PLEKHA2: variants seen among roughly 807,000 people sequenced by gnomAD.
The protein encoded by PLEKHA2 is pleckstrin homology domain containing A2, also known as pleckstrin homology domain-containing family A member 2.
A neutral mutation model predicts 53.2 loss-of-function variants in PLEKHA2; 28 were observed. That is an observed-to-expected ratio of 0.53 (90% confidence interval 0.39 to 0.72). PLEKHA2 has a LOEUF of 0.72. Among genes scored for constraint, PLEKHA2 ranks in the 30% least tolerant of loss-of-function variants. PLEKHA2 has a pLI of 0.00. For synonymous variants in PLEKHA2, 193 were observed against 196.4 expected (o/e 0.98, Z 0.14); for missense variants, 426 against 537.9 (o/e 0.79, Z 2.06).
intron 2 of PLEKHA2, among the ~76,000 whole-genome samples, chr8:38,920,356 G>A (rs969951443): frequency 6.6e-6 from 1 of 151,964 alleles, no homozygotes; most frequent in Non-Finnish European, 1.5e-5. Context: ...GGGTTTCACT[G>A]TGTTAGCCAG....
Position 38,971,874 on chromosome 8 carries a change from G to A in PLEKHA2, c.*2091G>A, listed in dbSNP as rs1309786940. 4 of 152,216 alleles carry A rather than the reference G, an allele frequency of 2.6e-5. No individual in the cohort carries two copies. Among genetic ancestry groups the A allele is most frequent in the African/African-American group, 7.2e-5 (3 of 41,448 alleles). The allele number at this position is 152,216 out of a possible 1,614,324, so 9.4% of individuals were successfully genotyped here. ...CGGCAGGAGAATGGTGTGAACCTGG[G>A]AGGCGGAGCTTGCAGTGAGCCAAGA... On this transcript the variant is annotated 3_prime_UTR_variant, in exon 12 of 12. Transcript: ENST00000617275.
chr8:38,905,058 T>TC (rs1394519666), intron 1 of PLEKHA2, among the ~76,000 whole-genome samples: 1 of 151,864 alleles, frequency 6.6e-6, no homozygotes, highest in Non-Finnish European at 1.5e-5. Context: ...TCTGTCTGGC[T>TC]CAAGACTCAT....
intron 1 of PLEKHA2, chr8:38,902,055 T>A (rs1833794484): frequency 6.6e-6 from 1 of 152,296 alleles, no homozygotes; most frequent in Non-Finnish European, 1.5e-5. Flanking sequence ...TGAAAAGGAC[T>A]GCCCTAAAAT....
intron 3 of PLEKHA2, among the ~76,000 whole-genome samples, chr8:38,938,657 C>T (rs1834541730): frequency 6.6e-6 from 1 of 152,210 alleles, no homozygotes; most frequent in Non-Finnish European, 1.5e-5. Context: ...TGTGCCCACT[C>T]CCTGCTCACA....
chr8:38,934,816 G>GTA (rs145687960), intron 2 of PLEKHA2, among the ~76,000 whole-genome samples: 1,725 of 150,596 alleles, frequency 0.011, 33 homozygotes, highest in African/African-American at 0.04. Context: ...CTGAACAGAT[G>GTA]TATATATATA....
At chr8:38,962,833 A>G (rs2129424243) in intron 10 of PLEKHA2, among the ~76,000 whole-genome samples, 1 of 152,358 alleles carries the variant, frequency 6.6e-6, no homozygotes, top group African/African-American at 2.4e-5. Context: ...AGAGTGTTGC[A>G]TTAGAGCTCT....
rs1835181941 is a variant in PLEKHA2, at chr8:38,968,536, G to A, written c.838-56G>A. The A allele has an allele frequency of 5.2e-6, 8 of 1,548,078 alleles. No homozygotes were observed. The Admixed American group carries it at 1.3e-4, about 26-fold the overall frequency. ...AACTTAATATTGAGTCAGAGACTTG[G>A]AAGCTGAAATCATAGTGCCTAAAAT... On this transcript the variant is annotated intron_variant, in intron 10 of 11. Transcript: ENST00000617275.
At chr8:38,903,303 C>A (rs1030402829) in intron 1 of PLEKHA2, among the ~76,000 whole-genome samples, 5 of 152,226 alleles carry the variant, frequency 3.3e-5, no homozygotes, top group African/African-American at 1.2e-4. Context: ...GGGAGCCTTG[C>A]TCATTTCACA....
intron 1 of PLEKHA2, among the ~76,000 whole-genome samples, chr8:38,908,308 G>C (rs1206267571): frequency 6.6e-6 from 1 of 152,218 alleles, no homozygotes; most frequent in Non-Finnish European, 1.5e-5. Flanking sequence ...ACAGCTTGGA[G>C]GGTGCTAAAG....
intron 1 of PLEKHA2, among the ~76,000 whole-genome samples, chr8:38,904,687 AGAGGGAAGAGT>A (rs1360734643): frequency 6.6e-6 from 1 of 152,222 alleles, no homozygotes; most frequent in African/African-American, 2.4e-5. Context: ...TTCTTGGAGT[AGAGGGAAGAGT>A]GAGGGAAGCT....
chr8:38,956,237 A>C (rs1356636714), intron 9 of PLEKHA2, among the ~76,000 whole-genome samples: 1 of 152,230 alleles, frequency 6.6e-6, no homozygotes. Flanking sequence ...GTCACTGAGC[A>C]TCATCTACTC....
At chr8:38,950,720 G>A in intron 5 of PLEKHA2, 130 bp from the exon 6 acceptor site, 1 of 1,132,762 alleles carries the variant, frequency 8.8e-7, no homozygotes, top group South Asian at 1.6e-5. Flanking sequence ...TGGAAGGCTT[G>A]GGGAGGACAC....
intron 9 of PLEKHA2, among the ~76,000 whole-genome samples, chr8:38,957,038 A>G (rs776692332): frequency 1.3e-5 from 2 of 152,148 alleles, no homozygotes; most frequent in African/African-American, 2.4e-5. Context: ...GTTGGATATT[A>G]GGCAGGAGGT....
intron 7 of PLEKHA2, 58 bp from the exon 8 acceptor site, chr8:38,952,578 C>G: frequency 6.5e-7 from 1 of 1,539,940 alleles, no homozygotes. Context: ...CATGAGTACA[C>G]CCTCCACAAT....
At chr8:38,902,228 G>GGT in intron 1 of PLEKHA2, among the ~76,000 whole-genome samples, 1 of 134,872 alleles carries the variant, frequency 7.4e-6, no homozygotes, top group East Asian at 2.5e-4. Flanking sequence ...TGTGGGGGGG[G>GGT]GTGGTGGGAA....
rs558572929 is a variant in PLEKHA2, at chr8:38,936,025, C to T, written c.173C>T (p.Ala58Val). The change falls in exon 3 of 12, where the codon GCT becomes GTT. Residue 58 changes from alanine to valine, a missense_variant. By Grantham distance (64) the Ala-to-Val change is moderately conservative (BLOSUM62 0). Transcript: ENST00000617275. ...GCAATGGGGGCAGGAGCTGTTGGAG[C>T]TTTGCAGCTGACCTACATCTCGAAG... Reference protein sequence around the residue: ...NLAMGAGAVGALQLTYISKVS... With the variant: ...NLAMGAGAVGVLQLTYISKVS... 4.3e-6 allele frequency: 7 copies of T among 1,613,640 alleles called. No individual in the cohort carries two copies. In the South Asian group the frequency reaches 6.6e-5, roughly 15 times the overall value.
chr8:38,912,892 G>C (rs865862599), intron 1 of PLEKHA2, among the ~76,000 whole-genome samples: 4 of 152,146 alleles, frequency 2.6e-5, no homozygotes, highest in Non-Finnish European at 4.4e-5. Flanking sequence ...GCTGCTTCTC[G>C]GGACGTCTGA....
intron 3 of PLEKHA2, among the ~76,000 whole-genome samples, chr8:38,941,702 G>T (rs1424622954): frequency 6.6e-6 from 1 of 152,132 alleles, no homozygotes; most frequent in Non-Finnish European, 1.5e-5. Flanking sequence ...AATCCCTCCT[G>T]GGTTGAGCAG....
At chr8:38,907,012 G>A (rs998832273) in intron 1 of PLEKHA2, among the ~76,000 whole-genome samples, 5 of 152,130 alleles carry the variant, frequency 3.3e-5, no homozygotes, top group African/African-American at 7.2e-5. Flanking sequence ...CTGTTACCCA[G>A]TTGAGCCATT....
Sources: allele counts gnomAD v4.1 joint callset (sites outside exome capture counted in the v4.1 genomes callset), GRCh38; gene constraint gnomAD v4.1.1; transcripts MANE v1.5; gene names NCBI Gene and HGNC (gene_info 2026-07-23, HGNC 2026-07-21).